Variants in HEPACAM2 observed in about 807,000 individuals in gnomAD.
HEPACAM2 encodes the protein mitotic kinetics regulator.
Under a neutral mutation model 49.6 loss-of-function variants are expected in HEPACAM2, and 49 were observed. The observed-to-expected ratio is 0.99, with a 90% CI of 0.78 to 1.25. The LOEUF (loss-of-function observed/expected upper bound fraction) is 1.25. Among genes scored for constraint, HEPACAM2 ranks in the 50% most tolerant of loss-of-function variants. HEPACAM2 has a pLI of 0.00. For missense variants in HEPACAM2, 525 were observed against 557.2 expected (o/e 0.94, Z 0.58); for synonymous variants, 197 against 202.9 (o/e 0.97, Z 0.25).
chr7:93,226,408 T>C lies in HEPACAM2; in HGVS notation c.39A>G (p.Thr13=). 6.2e-7 allele frequency: 1 copy of C among 1,613,380 alleles called. No individual in the cohort carries two copies. The highest frequency in any genetic ancestry group is 8.5e-7 in the Non-Finnish European group (1 of 1,179,628). ...ATATTTTGCACTGAAAGACCCCAAG[T>C]GTGTCACCGAAGGGCTCCATGAAAG... ...QDAFMEPFGD[T]LGVFQCKIYL... Residue 13 remains threonine (T), a synonymous_variant, in exon 1 of 10, where the codon ACA becomes ACG. Coordinates refer to ENST00000394468, the MANE Select transcript of HEPACAM2 (RefSeq NM_001039372.4).
In HEPACAM2 at chr7:93,220,678, G is replaced by T. The variant is rs149662151; in HGVS notation, c.80-1227C>A. Among the ~76,000 whole-genome samples, 140 of 152,324 alleles carry T rather than the reference G, an allele frequency of 9.2e-4. No homozygotes were observed. The East Asian group carries it at 0.01, about 11-fold the overall frequency. Reference sequence around the variant, plus strand: ...CTTGGGGCATGGAGCTCTGCCCAGTGGATAGCCCTGGGCAGTGCTGGGGAT... The same window carrying T: ...CTTGGGGCATGGAGCTCTGCCCAGTTGATAGCCCTGGGCAGTGCTGGGGAT... On this transcript the variant is annotated intron_variant, in intron 1 of 9. Coordinates refer to ENST00000394468, the MANE Select transcript of HEPACAM2 (RefSeq NM_001039372.4).
chr7:93,231,435 C>T (rs118121407), upstream of HEPACAM2, among the ~76,000 whole-genome samples: 20 of 152,284 alleles, frequency 1.3e-4, no homozygotes, highest in East Asian at 3.7e-3. Flanking sequence ...TTAATTTCGC[C>T]ATACCTGCTT....
At chr7:93,199,429 T>C (rs1288806434) in intron 4 of HEPACAM2, among the ~76,000 whole-genome samples, 1 of 152,130 alleles carries the variant, frequency 6.6e-6, no homozygotes, top group Non-Finnish European at 1.5e-5. Context: ...GGAACCACTT[T>C]GCACTTGGGT....
chr7:93,228,539 T>G (rs1042046895), upstream of HEPACAM2, among the ~76,000 whole-genome samples: 2 of 149,020 alleles, frequency 1.3e-5, no homozygotes, highest in Non-Finnish European at 2.9e-5. Flanking sequence ...CAACAATTGT[T>G]AATTTTTACA....
At chr7:93,215,812 G>T in intron 2 of HEPACAM2, 127 bp from the exon 3 acceptor site, 1 of 880,894 alleles carries the variant, frequency 1.1e-6, no homozygotes, top group African/African-American at 1.7e-5. Context: ...AATGTAGACA[G>T]CTCAGGTAAT....
chr7:93,195,910 T>A lies in HEPACAM2; in HGVS notation c.1202-9A>T. 1 of 1,599,316 alleles carries A rather than the reference T, an allele frequency of 6.3e-7. No individual in the cohort carries two copies. Among genetic ancestry groups the A allele is most frequent in the Middle Eastern group, 1.7e-4 (1 of 6,022 alleles). Reference sequence around the variant, plus strand: ...CAGAGCATCTTCATGGCCTGAAATGTAAAACAAATACTGCTTACAAACCGA... The same window carrying A: ...CAGAGCATCTTCATGGCCTGAAATGAAAAACAAATACTGCTTACAAACCGA... On this transcript the variant is annotated splice_polypyrimidine_tract_variant and intron_variant, in intron 7 of 9. Transcript: ENST00000394468.
At chr7:93,189,875 T>C (rs542143330) in intron 9 of HEPACAM2, among the ~76,000 whole-genome samples, 4 of 152,082 alleles carry the variant, frequency 2.6e-5, no homozygotes, top group African/African-American at 9.6e-5. Context: ...ACCAACCACC[T>C]ATAATAATGC....
At chr7:93,219,602 A>C in intron 1 of HEPACAM2, 151 bp from the exon 2 acceptor site, 1 of 1,389,726 alleles carries the variant, frequency 7.2e-7, no homozygotes, top group Non-Finnish European at 9.5e-7. Flanking sequence ...TTACATATAG[A>C]GGTAAATATT....
At chr7:93,191,424 C>G (rs1332674379) in intron 9 of HEPACAM2, among the ~76,000 whole-genome samples, 2 of 152,022 alleles carry the variant, frequency 1.3e-5, no homozygotes, top group African/African-American at 4.8e-5. Flanking sequence ...GGTATTTACC[C>G]AGAAGTGTGC....
chr7:93,205,309 G>T (rs1794000688), intron 4 of HEPACAM2, among the ~76,000 whole-genome samples: 1 of 152,036 alleles, frequency 6.6e-6, no homozygotes. Flanking sequence ...AGAACTAATT[G>T]TTCTCTCCAG....
intron 1 of HEPACAM2, chr7:93,225,904 A>G: frequency 7.0e-7 from 1 of 1,432,402 alleles, no homozygotes; most frequent in Non-Finnish European, 9.3e-7. Context: ...ATTTCATAAG[A>G]TGAGACAGAT....
chr7:93,216,542 G>C (rs372184118), intron 2 of HEPACAM2, among the ~76,000 whole-genome samples: 2 of 152,134 alleles, frequency 1.3e-5, no homozygotes, highest in African/African-American at 4.8e-5. Context: ...AAAGTTGATG[G>C]ATTATATAAG....
At chr7:93,200,153 A>G (rs1793845121) in intron 4 of HEPACAM2, among the ~76,000 whole-genome samples, 1 of 151,686 alleles carries the variant, frequency 6.6e-6, no homozygotes, top group Non-Finnish European at 1.5e-5. Flanking sequence ...ATTCCTACTG[A>G]GTTTTTGTCT....
chr7:93,207,362 A>T (rs1297149110), intron 4 of HEPACAM2, among the ~76,000 whole-genome samples: 6 of 152,048 alleles, frequency 3.9e-5, no homozygotes, highest in African/African-American at 7.2e-5. Context: ...CCCAAGTGGC[A>T]TTTGACTTGT....
Position 93,208,598 on chromosome 7 carries a change from CTG to C in HEPACAM2, c.992_993del (p.Thr331SerfsTer72). ...CACATACCTACGGAAGTGATGATAA[CTG>C]TGAAATGAGTTTCATCTTGCCTGCC... The part of the protein sequence containing the change: ...ITGRQDETHF[T>X]VIITSVGLEK... On this transcript the variant is annotated frameshift_variant, in exon 4 of 10. Coordinates refer to ENST00000394468, the MANE Select transcript of HEPACAM2 (RefSeq NM_001039372.4). LOFTEE classifies it high-confidence loss of function. 8 of 1,612,668 alleles carry C rather than the reference CTG, an allele frequency of 5.0e-6. No homozygotes were observed. Among genetic ancestry groups the C allele is most frequent in the Non-Finnish European group, 6.8e-6 (8 of 1,179,136 alleles).
chr7:93,192,446 T>C (rs971100449), intron 8 of HEPACAM2, 83 bp from the exon 9 acceptor site: 2 of 948,406 alleles, frequency 2.1e-6, no homozygotes, highest in Admixed American at 3.9e-5. Flanking sequence ...TGAAAACAAC[T>C]GGCAGTAGTG....
rs778743466 is a variant in HEPACAM2, at chr7:93,197,280, T to C, written c.1164-2A>G. The C allele has an allele frequency of 3.7e-6, 6 of 1,610,656 alleles. No individual in the cohort carries two copies. Among genetic ancestry groups the C allele is most frequent in the Non-Finnish European group, 8.5e-7 (1 of 1,178,562 alleles). On this transcript the variant is annotated splice_acceptor_variant, in intron 6 of 9. Coordinates refer to ENST00000394468, the MANE Select transcript of HEPACAM2 (RefSeq NM_001039372.4). LOFTEE classifies it high-confidence loss of function. Reference sequence around the variant, plus strand: ...GCTTTCCTGTATTCTGTTTCTGGCCTGAAAAGACAAAATAGGTATTTTTGT... The same window carrying C: ...GCTTTCCTGTATTCTGTTTCTGGCCCGAAAAGACAAAATAGGTATTTTTGT...
chr7:93,229,877 A>G (rs1476989757), upstream of HEPACAM2, among the ~76,000 whole-genome samples: 1 of 152,242 alleles, frequency 6.6e-6, no homozygotes, highest in East Asian at 1.9e-4. Flanking sequence ...GCGTAGACAG[A>G]TAGAAATGAA....
intron 8 of HEPACAM2, among the ~76,000 whole-genome samples, 189 bp downstream of exon 8, chr7:93,195,639 C>T (rs1353281094): frequency 5.9e-5 from 9 of 152,246 alleles, no homozygotes; most frequent in African/African-American, 1.4e-4. Context: ...CTTATAAAGG[C>T]GAAGTAAGAT....
Sources: gnomAD v4.1 joint callset for allele counts (sites outside exome capture counted in the v4.1 genomes callset) on GRCh38, gnomAD v4.1.1 for gene constraint, MANE v1.5 for transcripts, NCBI Gene and HGNC (gene_info 2026-07-23, HGNC 2026-07-21) for gene names.